Variants in SSBP3 observed in about 807,000 individuals in gnomAD.
The protein encoded by SSBP3 is single-stranded DNA-binding protein 3.
SSBP3 carries 5 observed loss-of-function variants against 69.6 expected under a neutral mutation model. That is an observed-to-expected ratio of 0.07 (90% CI 0.04 to 0.15). The LOEUF is 0.15. SSBP3 is among the 10% of genes least tolerant of loss of function. SSBP3 has a pLI of 1.00. For missense variants in SSBP3, 312 were observed against 534.0 expected (o/e 0.58, Z 4.10); for synonymous variants, 196 against 193.4 (o/e 1.01, Z -0.11).
At chr1:54,294,770 C>A (rs781324316) in intron 4 of SSBP3, among the ~76,000 whole-genome samples, 1 of 152,136 alleles carries the variant, frequency 6.6e-6, no homozygotes, top group Non-Finnish European at 1.5e-5. Context: ...TCTCTGAAGA[C>A]GAGTGTCTGC....
chr1:54,337,564 C>T (rs1006943151), intron 4 of SSBP3, among the ~76,000 whole-genome samples: 2 of 126,848 alleles, frequency 1.6e-5, no homozygotes, highest in African/African-American at 6.0e-5. Context: ...GTGGCACCAT[C>T]TCCGCTCACT....
At chr1:54,341,359 A>C (rs912057855) in intron 4 of SSBP3, among the ~76,000 whole-genome samples, 22 of 152,122 alleles carry the variant, frequency 1.4e-4, no homozygotes, top group African/African-American at 5.1e-4. Context: ...CTCCACTCTG[A>C]AGCCATATCC....
chr1:54,379,903 G>A (rs189310838), intron 4 of SSBP3, among the ~76,000 whole-genome samples: 2 of 152,294 alleles, frequency 1.3e-5, no homozygotes, highest in East Asian at 1.9e-4. Context: ...TCTAAAACAC[G>A]AGGCTTTCAC....
At chr1:54,352,898 T>A (rs1223526117) in intron 4 of SSBP3, among the ~76,000 whole-genome samples, 1 of 152,134 alleles carries the variant, frequency 6.6e-6, no homozygotes, top group Non-Finnish European at 1.5e-5. Context: ...GCCAGATCCC[T>A]CTCAACAGAG....
rs528484520 is a variant in SSBP3 at position 54,247,570 on chromosome 1, G to A, written c.651+4046C>T. Among the ~76,000 whole-genome samples, 663 of 152,310 alleles carry A rather than the reference G, an allele frequency of 4.4e-3. 5 individuals are homozygous for A. Among genetic ancestry groups the A allele is most frequent in the African/African-American group, 0.015 (622 of 41,562 alleles). On this transcript the variant is annotated intron_variant, in intron 9 of 17. Coordinates refer to ENST00000610401, the Ensembl canonical transcript of SSBP3. ...CCTGGATCAGCCCCAGGAGATGGGG[G>A]TGGCATAGGATTGTCCCAGGGGCTG...
intron 5 of SSBP3, among the ~76,000 whole-genome samples, chr1:54,281,095 C>G (rs1342501527): frequency 8.5e-5 from 13 of 152,094 alleles, no homozygotes; most frequent in South Asian, 2.1e-4. Context: ...TTTTTTAAAG[C>G]CTTTTGTTAA....
At chr1:54,403,742 C>CTTTTCTTTT (rs1239126253) in intron 3 of SSBP3, among the ~76,000 whole-genome samples, 1 of 152,148 alleles carries the variant, frequency 6.6e-6, no homozygotes, top group African/African-American at 2.4e-5. Context: ...ACTCTGCTTT[C>CTTTTCTTTT]TTTTCTTTTT....
chr1:54,371,922 T>A (rs1350825881), intron 4 of SSBP3, among the ~76,000 whole-genome samples: 1 of 151,986 alleles, frequency 6.6e-6, no homozygotes, highest in Non-Finnish European at 1.5e-5. Flanking sequence ...TCTGAGCACA[T>A]CTCATACAGC....
chr1:54,306,779 A>G (rs1645908776), intron 4 of SSBP3, among the ~76,000 whole-genome samples: 1 of 152,108 alleles, frequency 6.6e-6, no homozygotes, highest in African/African-American at 2.4e-5. Context: ...CCTGGGCAAC[A>G]TAGCGAGACC....
intron 4 of SSBP3, among the ~76,000 whole-genome samples, chr1:54,373,574 G>C (rs558073663): frequency 7.2e-5 from 11 of 152,122 alleles, no homozygotes; most frequent in African/African-American, 2.7e-4. Flanking sequence ...GACCAGACTA[G>C]ACAACATGGT....
intron 4 of SSBP3, among the ~76,000 whole-genome samples, chr1:54,310,410 TG>T (rs564294265): frequency 2.0e-5 from 3 of 151,818 alleles, no homozygotes; most frequent in Non-Finnish European, 4.4e-5. Context: ...GGGGGTGGGC[TG>T]GGGGAAAATG....
At chr1:54,404,711 G>T in intron 2 of SSBP3, 74 bp from the exon 3 acceptor site, 1 of 1,554,346 alleles carries the variant, frequency 6.4e-7, no homozygotes, top group Non-Finnish European at 8.9e-7. Context: ...GAGCCAAAAG[G>T]CTAGGAAGAC....
intron 5 of SSBP3, among the ~76,000 whole-genome samples, chr1:54,263,243 A>G (rs1427725780): frequency 6.6e-6 from 1 of 152,208 alleles, no homozygotes; most frequent in East Asian, 1.9e-4. Flanking sequence ...ACTCTGCGGA[A>G]AAGCATTTCA....
intron 4 of SSBP3, among the ~76,000 whole-genome samples, chr1:54,392,766 A>C (rs1362851369): frequency 6.6e-6 from 1 of 152,234 alleles, no homozygotes; most frequent in Non-Finnish European, 1.5e-5. Context: ...ATGGGGTGGC[A>C]GAAAGGGCAA....
chr1:54,318,024 T>A (rs1379767697), intron 4 of SSBP3, among the ~76,000 whole-genome samples: 4 of 152,204 alleles, frequency 2.6e-5, no homozygotes, highest in African/African-American at 9.7e-5. Context: ...TGCTTTGGCC[T>A]CCCAAATTGG....
chr1:54,400,385 A>AT (rs1265549828), intron 4 of SSBP3, among the ~76,000 whole-genome samples: 1 of 151,976 alleles, frequency 6.6e-6, no homozygotes, highest in Non-Finnish European at 1.5e-5. Context: ...ACCATGCAAG[A>AT]TTTTTACTAG....
chr1:54,229,026 G>A (rs991783162), intron 14 of SSBP3, among the ~76,000 whole-genome samples, 200 bp from the exon 15 acceptor site: 5 of 152,236 alleles, frequency 3.3e-5, no homozygotes, highest in Admixed American at 2.0e-4. Flanking sequence ...GGGCAGAGGT[G>A]CTCATTCCAA....
chr1:54,290,578 C>T (rs1004009795), intron 4 of SSBP3, among the ~76,000 whole-genome samples: 9 of 152,224 alleles, frequency 5.9e-5, no homozygotes, highest in African/African-American at 1.2e-4. Flanking sequence ...ACCATACTGC[C>T]GGGCCCTGCC....
chr1:54,407,451 G>T (rs939988977), upstream of SSBP3, among the ~76,000 whole-genome samples: 1 of 151,900 alleles, frequency 6.6e-6, no homozygotes, highest in African/African-American at 2.4e-5. Context: ...GGAAATTGAG[G>T]GGGGGGCTGG....
Sources: gnomAD v4.1 joint callset for allele counts (sites outside exome capture counted in the v4.1 genomes callset) on GRCh38, gnomAD v4.1.1 for gene constraint, MANE v1.5 for transcripts, NCBI Gene and HGNC (gene_info 2026-07-23, HGNC 2026-07-21) for gene names.